The following PLK2 variants were observed in gnomAD, a reference collection of about 807,000 sequenced individuals.
The protein encoded by PLK2 is serine/threonine-protein kinase PLK2.
Under a neutral mutation model 78.1 loss-of-function variants are expected in PLK2, and 25 were observed. The observed-to-expected ratio is 0.32, with a 90% CI of 0.23 to 0.45. PLK2 has a LOEUF of 0.45. Among genes scored for constraint, PLK2 ranks in the 20% least tolerant of loss-of-function variants. PLK2 has a pLI of 1.00. For missense variants in PLK2, 566 were observed against 840.2 expected, an observed-to-expected ratio of 0.67 and a Z score of 4.04; for synonymous variants, 332 against 298.2, an observed-to-expected ratio of 1.11 and a Z score of -1.17.
At position 58,457,182 on chromosome 5, in the gene PLK2, T is replaced by C. The variant is rs773907993; in HGVS notation, c.1007A>G (p.Gln336Arg). 6.2e-7 allele frequency: 1 copy of C among 1,613,466 alleles called. No homozygotes were observed. Among genetic ancestry groups the C allele is most frequent in the Non-Finnish European group, 8.5e-7 (1 of 1,179,646 alleles). Reference sequence around the variant, plus strand: ...AAAAAAAAAAGATAGTGCACCAACCTGCAAAAAAAAGTCATGTCGAATGAT... The same window carrying C: ...AAAAAAAAAAGATAGTGCACCAACCCGCAAAAAAAAGTCATGTCGAATGAT... ...DDIIRHDFFL[Q>R]GFTPDRLSSS... Residue 336 changes from glutamine to arginine, a missense_variant and splice_region_variant, in exon 7 of 14, where the codon CAG becomes CGG. Gln to Arg is a conservative substitution (Grantham distance 43). Transcript: ENST00000274289.
chr5:58,456,194 T>C (rs1443614037), intron 9 of PLK2, 39 bp from the exon 10 acceptor site: 1 of 1,582,974 alleles, frequency 6.3e-7, no homozygotes, highest in Non-Finnish European at 8.6e-7. Context: ...GTCAAGCATC[T>C]AAATTCATTT....
In PLK2 at chr5:58,457,568, G is replaced by A. The variant is rs563490934; in HGVS notation, c.729C>T (p.Thr243=). The change falls in exon 6 of 14, where the codon ACC becomes ACT. Residue 243 remains threonine (T), a synonymous_variant. Transcript: ENST00000274289. The stretch of plus-strand genomic sequence containing the variant: ...GGACTTCAGGAGAGAGATAATTTGG[G>A]GTACCACATATCGTTCTGGAAAGAC... The part of the protein sequence containing the change: ...LEHRRRTICG[T]PNYLSPEVLN... 3.1e-6 allele frequency: 5 copies of A among 1,606,802 alleles called. No individual in the cohort carries two copies. The African/African-American group carries it at 5.3e-5, about 17-fold the overall frequency.
Position 58,457,556 on chromosome 5 carries a change from G to T in PLK2, c.741C>A (p.Leu247=). The T allele has an allele frequency of 1.2e-6, 2 of 1,611,454 alleles. No individual in the cohort carries two copies. Among genetic ancestry groups the T allele is most frequent in the Non-Finnish European group, 1.7e-6 (2 of 1,177,558 alleles). ...RRTICGTPNY[L]SPEVLNKQGH... Reference sequence around the variant, plus strand: ...CTTGTTTGTTGAGGACTTCAGGAGAGAGATAATTTGGGGTACCACATATCG... The same window carrying T: ...CTTGTTTGTTGAGGACTTCAGGAGATAGATAATTTGGGGTACCACATATCG... The change falls in exon 6 of 14, where the codon CTC becomes CTA. Residue 247 remains leucine (L), a synonymous_variant. Coordinates refer to ENST00000274289, the MANE Select transcript of PLK2 (RefSeq NM_006622.4).
intron 1 of PLK2, 89 bp downstream of exon 1, chr5:58,459,601 G>C (rs566124462): frequency 4.2e-6 from 5 of 1,178,984 alleles, no homozygotes; most frequent in Non-Finnish European, 5.8e-6. Context: ...CGGAAGCGGC[G>C]GGCGAGGGAC....
chr5:58,458,342 C>G (rs777042034), intron 4 of PLK2, 57 bp downstream of exon 4: 2 of 1,568,180 alleles, frequency 1.3e-6, no homozygotes, highest in African/African-American at 1.4e-5. Flanking sequence ...TAAAAAAAAA[C>G]AGAGAGAGAA....
At chr5:58,456,671 G>A (rs1743613597) in intron 8 of PLK2, 82 bp from the exon 9 acceptor site, 3 of 941,346 alleles carry the variant, frequency 3.2e-6, no homozygotes, top group Non-Finnish European at 4.9e-6. Flanking sequence ...TCTCCTTCTT[G>A]CATTATTGAC....
intron 1 of PLK2, chr5:58,459,456 C>A (rs1413185553): frequency 8.8e-6 from 5 of 568,146 alleles, no homozygotes; most frequent in Non-Finnish European, 1.5e-5. Context: ...ACTCAAGATG[C>A]ATTTCTCTGG....
At position 58,460,038 on chromosome 5, in the gene PLK2, CCCTTGCCTCTGGTG is replaced by C; in HGVS notation, c.-93_-80del. 7.4e-6 allele frequency: 11 copies of C among 1,492,914 alleles called. No individual in the cohort carries two copies. In the South Asian group the frequency reaches 1.4e-4, roughly 19 times the overall value. 92.5% of individuals were successfully genotyped at this position (1,492,914 alleles called of 1,614,324 possible). On this transcript the variant is annotated 5_prime_UTR_variant, in exon 1 of 14. Transcript: ENST00000274289. ...GTCCGAGCCGGCCGTGGTCCTCGCA[CCCTTGCCTCTGGTG>C]CCGACTAGCACCCAACACCCCGGTC...
At position 58,456,159 on chromosome 5, in the gene PLK2, A is replaced by C. The variant is rs750127133; in HGVS notation, c.1255-4T>G. On this transcript the variant is annotated splice_region_variant and splice_polypyrimidine_tract_variant and intron_variant, in intron 9 of 13. Transcript: ENST00000274289. ...TGGTGGTAGGTGGCTGGAGCTCCTT[A>C]GAAGAGAGAAGATTTATGCAATGAG... 1.2e-6 allele frequency: 2 copies of C among 1,607,556 alleles called. No individual in the cohort carries two copies. The highest frequency in any genetic ancestry group is 4.5e-5 in the East Asian group (2 of 44,844).
chr5:58,455,628 G>A lies in PLK2; in HGVS notation c.1536C>T (p.Asn512=), dbSNP rs1743578485. ...AGAGCTGGTACCCAAAGCCATATTTGTTAGAGTAATCAACCCATTTGGTGA... is the reference window on the plus strand; with the variant it reads ...AGAGCTGGTACCCAAAGCCATATTTATTAGAGTAATCAACCCATTTGGTGA... ...QWVTKWVDYS[N]KYGFGYQLSD... Residue 512 remains asparagine (N), a synonymous_variant, in exon 11 of 14, where the codon AAC becomes AAT. Coordinates refer to ENST00000274289, the MANE Select transcript of PLK2 (RefSeq NM_006622.4). The A allele has an allele frequency of 6.2e-7, 1 of 1,613,866 alleles. No individual in the cohort carries two copies. Among genetic ancestry groups the A allele is most frequent in the African/African-American group, 1.3e-5 (1 of 74,920 alleles).
In PLK2 at chr5:58,454,658, C is replaced by G. The variant is rs767921914; in HGVS notation, c.1983G>C (p.Leu661=). The G allele has an allele frequency of 6.2e-7, 1 of 1,613,898 alleles. No homozygotes were observed. The highest frequency in any genetic ancestry group is 1.3e-5 in the African/African-American group (1 of 75,032). Residue 661 remains leucine (L), a synonymous_variant, in exon 14 of 14, where the codon CTG becomes CTC. Transcript: ENST00000274289. ...TTAATTCTGATGAACAGCCAGACAT[C>G]AGCAGAGTTGTCAGCCTGAAAGTTG... ...ISTTFRLTTL[L]MSGCSSELKN...
At position 58,459,997 on chromosome 5, in the gene PLK2, C is replaced by G; in HGVS notation, c.-38G>C. 6.5e-7 allele frequency: 1 copy of G among 1,543,276 alleles called. No homozygotes were observed. The highest frequency in any genetic ancestry group is 1.2e-5 in the South Asian group (1 of 81,808). On this transcript the variant is annotated 5_prime_UTR_variant, in exon 1 of 14. Coordinates refer to ENST00000274289, the MANE Select transcript of PLK2 (RefSeq NM_006622.4). ...GCCCCGCACTGCCCGCTGCCACCCC[C>G]TAGGCGCGGTCACACGTCCGAGCCG...
chr5:58,458,765 T>C lies in PLK2; in HGVS notation c.455A>G (p.Lys152Arg), dbSNP rs1743676478. Reference protein sequence around the residue: ...VVQFYHYFEDKENIYILLEYC... With the variant: ...VVQFYHYFEDRENIYILLEYC... ...TTCCAAGAGAATGTAAATGTTTTCTTTGTCCTCGAAGTAGTGGTAAAACTG... is the reference window on the plus strand; with the variant it reads ...TTCCAAGAGAATGTAAATGTTTTCTCTGTCCTCGAAGTAGTGGTAAAACTG... Residue 152 changes from lysine to arginine, a missense_variant, in exon 3 of 14, where the codon AAA becomes AGA. Transcript: ENST00000274289. 1 of 1,597,738 alleles carries C rather than the reference T, an allele frequency of 6.3e-7. No individual in the cohort carries two copies.
intron 1 of PLK2, 149 bp from the exon 2 acceptor site, chr5:58,459,241 T>C: frequency 1.6e-6 from 1 of 615,410 alleles, no homozygotes; most frequent in Non-Finnish European, 2.9e-6. Flanking sequence ...GCATTCGACT[T>C]CGTTAAAGCT....
intron 10 of PLK2, 102 bp from the exon 11 acceptor site, chr5:58,455,881 T>C: frequency 1.3e-6 from 2 of 1,497,804 alleles, no homozygotes; most frequent in East Asian, 2.3e-5. Context: ...TCGAAAGACA[T>C]AGAACTCAAG....
rs1743711233 is a variant in PLK2 at position 58,459,858 on chromosome 5, C to G, written c.102G>C (p.Arg34=). The G allele has an allele frequency of 6.2e-7, 1 of 1,610,564 alleles. No individual in the cohort carries two copies. Among genetic ancestry groups the G allele is most frequent in the Non-Finnish European group, 8.5e-7 (1 of 1,179,700 alleles). Residue 34 remains arginine, a synonymous_variant, in exon 1 of 14, where the codon CGG becomes CGC. Coordinates refer to ENST00000274289, the MANE Select transcript of PLK2 (RefSeq NM_006622.4). ...KGCGADSKKK[R]PPQPPEESQP... is the part of the protein sequence containing the mutation. ...GCGATTCCTCGGGGGGCTGCGGCGG[C>G]CGCTTCTTCTTCGAGTCCGCTCCGC... is the stretch of plus-strand genomic sequence containing the variant.
rs188969366 is a variant in PLK2 at position 58,456,138 on chromosome 5, G to A, written c.1272C>T (p.Thr424=). 43 of 1,613,696 alleles carry A rather than the reference G, an allele frequency of 2.7e-5. No homozygotes were observed. The highest frequency in any genetic ancestry group is 3.3e-5 in the Admixed American group (2 of 59,946). ...HRTDEELQPP[T]TTVARSGTPA... is the part of the protein sequence containing the mutation. ...GTGTTCCAGACCTGGCAACTGTGGT[G>A]GTAGGTGGCTGGAGCTCCTTAGAAG... Residue 424 remains threonine, a synonymous_variant, in exon 10 of 14, where the codon ACC becomes ACT. Transcript: ENST00000274289.
At position 58,457,508 on chromosome 5, in the gene PLK2, A is replaced by T. The variant is rs763062996; in HGVS notation, c.789T>A (p.Ile263=). The T allele has an allele frequency of 6.2e-7, 1 of 1,612,254 alleles. No individual in the cohort carries two copies. The highest frequency in any genetic ancestry group is 2.2e-5 in the East Asian group (1 of 44,872). ...CTTACATTACACAGCCCAGGGCCCA[A>T]ATGTCTGATTCACAGCCATGTCCTT... is the stretch of plus-strand genomic sequence containing the variant. The part of the protein sequence containing the change: ...NKQGHGCESD[I]WALGCVMYTM... Residue 263 remains isoleucine (I), a synonymous_variant, in exon 6 of 14, where the codon ATT becomes ATA. Transcript: ENST00000274289.
Position 58,456,094 on chromosome 5 carries a change from T to C in PLK2, c.1316A>G (p.Gln439Arg), listed in dbSNP as rs772449059. The change falls in exon 10 of 14, where the codon CAG becomes CGG. Residue 439 changes from glutamine (Q) to arginine (R), a missense_variant. This residue lies in a region of PLK2 where 129 missense variants were observed against 156.0 expected (regional missense o/e 0.83). Coordinates refer to ENST00000274289, the MANE Select transcript of PLK2 (RefSeq NM_006622.4). ...CATCCGAATAGCATCCCCAATCTGC[T>C]GCTTGTTTTCTACTGCGGGTGTTCC... ...RSGTPAVENK[Q>R]QIGDAIRMIV... The C allele has an allele frequency of 6.2e-7, 1 of 1,614,100 alleles. No individual in the cohort carries two copies. Among genetic ancestry groups the C allele is most frequent in the East Asian group, 2.2e-5 (1 of 44,856 alleles).
Sources: allele counts gnomAD v4.1 joint callset, GRCh38; gene constraint gnomAD v4.1.1; regional missense constraint gnomAD v4.1.1; transcripts MANE v1.5; gene names NCBI Gene and HGNC (gene_info 2026-07-23, HGNC 2026-07-21).